Variants in ROBO1 observed in about 807,000 individuals in gnomAD.
ROBO1 encodes roundabout guidance receptor 1, also known as roundabout homolog 1.
ROBO1 carries 149 observed loss-of-function variants against 195.9 expected under a neutral mutation model. The observed-to-expected ratio is 0.76, with a 90% CI of 0.67 to 0.87. The LOEUF is 0.87. Ranked by LOEUF, ROBO1 falls within the 40% of genes least tolerant of loss-of-function variation. The pLI, the probability that ROBO1 is intolerant of heterozygous loss-of-function variation, is 0.00. For synonymous variants in ROBO1, 816 were observed against 733.2 expected, an observed-to-expected ratio of 1.11 and a Z score of -1.82; for missense variants, 1,933 against 2,068.3, an observed-to-expected ratio of 0.93 and a Z score of 1.27.
At chr3:79,146,462 T>C (rs1301463017) in intron 2 of ROBO1, among the ~76,000 whole-genome samples, 1 of 151,956 alleles carries the variant, frequency 6.6e-6, no homozygotes, top group Non-Finnish European at 1.5e-5. Context: ...CTAAATATAG[T>C]GTGACAGATA....
chr3:79,271,377 A>G (rs1197486670), intron 2 of ROBO1, among the ~76,000 whole-genome samples: 3 of 151,954 alleles, frequency 2.0e-5, no homozygotes, highest in Non-Finnish European at 4.4e-5. Context: ...TTACTTACAC[A>G]GCAGCTGCCT....
chr3:79,059,785 G>A (rs919143568), intron 3 of ROBO1, among the ~76,000 whole-genome samples: 1 of 151,880 alleles, frequency 6.6e-6, no homozygotes, highest in African/African-American at 2.4e-5. Flanking sequence ...GAGGATGTAT[G>A]TTGCCTCAGG....
chr3:79,693,291 CAA>C (rs1220124055), intron 1 of ROBO1, among the ~76,000 whole-genome samples: 1 of 151,446 alleles, frequency 6.6e-6, no homozygotes, highest in Non-Finnish European at 1.5e-5. Flanking sequence ...AATTATAAAA[CAA>C]AGACAGGAAA....
chr3:79,379,756 A>G (rs956221858), intron 2 of ROBO1, among the ~76,000 whole-genome samples: 47 of 152,290 alleles, frequency 3.1e-4, no homozygotes, highest in African/African-American at 1.1e-3. Context: ...ATATTATGCC[A>G]GTGGCTTTTA....
At chr3:79,114,053 A>G (rs947181133) in intron 3 of ROBO1, among the ~76,000 whole-genome samples, 3 of 152,174 alleles carry the variant, frequency 2.0e-5, no homozygotes, top group African/African-American at 7.2e-5. Context: ...AAATGGTTTT[A>G]TAAATGGGAG....
intron 3 of ROBO1, chr3:79,018,893 G>T (rs980757920): frequency 1.0e-6 from 1 of 994,556 alleles, no homozygotes; most frequent in Non-Finnish European, 1.2e-6. Flanking sequence ...GCTGCTGAGG[G>T]AGGGCCAAAA....
intron 4 of ROBO1, among the ~76,000 whole-genome samples, chr3:78,799,213 A>G (rs2084279578): frequency 6.6e-6 from 1 of 152,106 alleles, no homozygotes; most frequent in South Asian, 2.1e-4. Context: ...AATCAATTTT[A>G]CTGTGTGTTC....
intron 4 of ROBO1, among the ~76,000 whole-genome samples, chr3:78,802,566 C>CAA (rs1232869039): frequency 1.3e-5 from 2 of 152,000 alleles, no homozygotes; most frequent in Non-Finnish European, 2.9e-5. Context: ...CAAAACAAAA[C>CAA]AAAAACACAT....
At chr3:79,449,710 G>T (rs1326620732) in intron 2 of ROBO1, among the ~76,000 whole-genome samples, 1 of 152,022 alleles carries the variant, frequency 6.6e-6, no homozygotes, top group Non-Finnish European at 1.5e-5. Flanking sequence ...GTTATAGTTT[G>T]ATGATAAATA....
chr3:79,356,969 G>A (rs2035581744), intron 2 of ROBO1, among the ~76,000 whole-genome samples: 1 of 152,078 alleles, frequency 6.6e-6, no homozygotes, highest in African/African-American at 2.4e-5. Flanking sequence ...TCCAGTCAAA[G>A]GGAACTGATT....
At chr3:78,628,328 A>AT (rs879412173) in intron 25 of ROBO1, among the ~76,000 whole-genome samples, 43 of 151,346 alleles carry the variant, frequency 2.8e-4, no homozygotes, top group African/African-American at 1.5e-4. Context: ...AATACAACCC[A>AT]TTTTTTTTTC....
At chr3:79,652,515 T>C (rs1399507419) in intron 1 of ROBO1, among the ~76,000 whole-genome samples, 1 of 152,128 alleles carries the variant, frequency 6.6e-6, no homozygotes, top group African/African-American at 2.4e-5. Context: ...GCAATTATAA[T>C]TGTGTTATTG....
chr3:79,754,178 G>C (rs1175021117), intron 1 of ROBO1, among the ~76,000 whole-genome samples: 10 of 152,162 alleles, frequency 6.6e-5, no homozygotes, highest in Non-Finnish European at 7.3e-5. Flanking sequence ...AATCTGATGA[G>C]CCATGGCCCC....
intron 2 of ROBO1, among the ~76,000 whole-genome samples, chr3:79,422,992 A>AC (rs1305110749): frequency 1.3e-5 from 2 of 151,760 alleles, no homozygotes; most frequent in Non-Finnish European, 1.5e-5. Flanking sequence ...ACTGTATAGA[A>AC]AAAACCACCT....
At position 79,140,947 on chromosome 3, in the gene ROBO1, T is replaced by G. The variant is rs1013491324; in HGVS notation, c.89-15408A>C. 3.9e-5 allele frequency among the ~76,000 whole-genome samples: 6 copies of G among 152,200 alleles called. No homozygotes were observed. The East Asian group carries it at 1.2e-3, about 29-fold the overall frequency. Reference sequence around the variant, plus strand: ...TGAACTGCAGAACTTAGTTGCCTAATTGCCTGGTTGCTTTGTGCTGATAAA... The same window carrying G: ...TGAACTGCAGAACTTAGTTGCCTAAGTGCCTGGTTGCTTTGTGCTGATAAA... On this transcript the variant is annotated intron_variant, in intron 2 of 30. Coordinates refer to ENST00000464233, the MANE Select transcript of ROBO1 (RefSeq NM_002941.4).
At chr3:79,293,930 C>T (rs536689273) in intron 2 of ROBO1, among the ~76,000 whole-genome samples, 19 of 150,170 alleles carry the variant, frequency 1.3e-4, no homozygotes, top group East Asian at 9.9e-4. Flanking sequence ...TGGTAGCGGG[C>T]GCCTGTAGTC....
chr3:79,434,866 T>C (rs1297552420), intron 2 of ROBO1, among the ~76,000 whole-genome samples: 1 of 152,130 alleles, frequency 6.6e-6, no homozygotes, highest in Admixed American at 6.6e-5. Flanking sequence ...ATATACACCA[T>C]GGAATACTAT....
intron 21 of ROBO1, 115 bp from the exon 22 acceptor site, chr3:78,640,013 A>G (rs1481678741): frequency 1.2e-6 from 1 of 856,738 alleles, no homozygotes; most frequent in East Asian, 2.7e-5. Context: ...CTGATGAACT[A>G]TGCTGAATGA....
intron 4 of ROBO1, among the ~76,000 whole-genome samples, chr3:78,800,959 G>A (rs2084352402): frequency 6.6e-6 from 1 of 152,142 alleles, no homozygotes; most frequent in Non-Finnish European, 1.5e-5. Flanking sequence ...GATAAATACG[G>A]ATAATCTTAA....
Sources: allele counts gnomAD v4.1 joint callset (sites outside exome capture counted in the v4.1 genomes callset), GRCh38; gene constraint gnomAD v4.1.1; transcripts MANE v1.5; gene names NCBI Gene and HGNC (gene_info 2026-07-23, HGNC 2026-07-21).